The following ST6GALNAC3 variants were observed in gnomAD, a reference collection of about 807,000 sequenced individuals.
ST6GALNAC3 encodes the protein ST6 N-acetylgalactosaminide alpha-2,6-sialyltransferase 3.
Under a neutral mutation model 32.7 loss-of-function variants are expected in ST6GALNAC3, and 25 were observed. The observed-to-expected ratio is 0.76, with a 90% CI of 0.56 to 1.07. The LOEUF (loss-of-function observed/expected upper bound fraction) is 1.07. ST6GALNAC3 is among the 50% of genes least tolerant of loss of function. The pLI, the probability that ST6GALNAC3 is intolerant of heterozygous loss-of-function variation, is 0.00. For missense variants in ST6GALNAC3, 355 were observed against 382.4 expected, an observed-to-expected ratio of 0.93 and a Z score of 0.60; for synonymous variants, 129 against 133.1, an observed-to-expected ratio of 0.97 and a Z score of 0.21.
intron 3 of ST6GALNAC3, among the ~76,000 whole-genome samples, chr1:76,543,752 G>A (rs1437733084): frequency 3.3e-5 from 5 of 152,046 alleles, no homozygotes; most frequent in Non-Finnish European, 7.4e-5. Context: ...ATGCCTCCTA[G>A]TAACATCCAA....
intron 1 of ST6GALNAC3, among the ~76,000 whole-genome samples, chr1:76,286,004 G>A (rs1659757869): frequency 6.6e-6 from 1 of 151,566 alleles, no homozygotes; most frequent in South Asian, 2.1e-4. Flanking sequence ...GGAAAGACAT[G>A]CAGAACTAGA....
chr1:76,621,165 C>T (rs963860262), intron 3 of ST6GALNAC3, among the ~76,000 whole-genome samples: 45 of 151,296 alleles, frequency 3.0e-4, no homozygotes, highest in African/African-American at 1.0e-3. Context: ...GTCAAAGGGT[C>T]CTGATGATTC....
At chr1:76,494,364 C>T (rs1397339806) in intron 3 of ST6GALNAC3, among the ~76,000 whole-genome samples, 1 of 146,516 alleles carries the variant, frequency 6.8e-6, no homozygotes, top group Non-Finnish European at 1.5e-5. Context: ...TGTTCATTCA[C>T]AAATATTTAT....
chr1:76,600,104 G>A (rs1647199487), intron 3 of ST6GALNAC3, among the ~76,000 whole-genome samples: 2 of 152,076 alleles, frequency 1.3e-5, no homozygotes, highest in South Asian at 4.1e-4. Flanking sequence ...GATTGGAAGA[G>A]TTCATGAGCG....
chr1:76,442,089 T>A (rs1168958089), intron 3 of ST6GALNAC3, among the ~76,000 whole-genome samples: 1 of 152,230 alleles, frequency 6.6e-6, no homozygotes, highest in African/African-American at 2.4e-5. Context: ...TATGAGAGGC[T>A]GAGACCTTGA....
At chr1:76,432,579 C>G (rs1258549042) in intron 3 of ST6GALNAC3, among the ~76,000 whole-genome samples, 1 of 147,836 alleles carries the variant, frequency 6.8e-6, no homozygotes, top group Non-Finnish European at 1.5e-5. Context: ...CGTAGCCATC[C>G]AAATAGCTGG....
intron 1 of ST6GALNAC3, among the ~76,000 whole-genome samples, chr1:76,252,185 T>C (rs1310559198): frequency 3.9e-5 from 6 of 152,084 alleles, no homozygotes; most frequent in Non-Finnish European, 7.4e-5. Flanking sequence ...CTGTATACGA[T>C]GTTCGTTTGG....
chr1:76,236,038 T>A (rs750397080), intron 1 of ST6GALNAC3, among the ~76,000 whole-genome samples: 12 of 151,972 alleles, frequency 7.9e-5, no homozygotes, highest in Non-Finnish European at 1.8e-4. Context: ...TGCAAGGATG[T>A]GATCTCGGCT....
rs1043353059 is a variant in ST6GALNAC3, at chr1:76,379,223, C to T, written c.214-32785C>T. Among the ~76,000 whole-genome samples, 57 of 152,140 alleles carry T rather than the reference C, an allele frequency of 3.7e-4. 1 individual carries two copies. Among genetic ancestry groups the T allele is most frequent in the Non-Finnish European group, 1.2e-4 (8 of 68,028 alleles). ...GAATGTTTTATATTTCCTAGTTTCT[C>T]TTCCTTTTGTGGGTCCTAATCTTTT... On this transcript the variant is annotated intron_variant, in intron 2 of 4. Transcript: ENST00000328299.
At chr1:76,569,383 G>A (rs1047097018) in intron 3 of ST6GALNAC3, among the ~76,000 whole-genome samples, 8 of 152,118 alleles carry the variant, frequency 5.3e-5, no homozygotes, top group Admixed American at 5.2e-4. Context: ...ATTTAACTAA[G>A]TACAGGGGCT....
At chr1:76,473,074 G>C (rs1228861631) in intron 3 of ST6GALNAC3, among the ~76,000 whole-genome samples, 4 of 152,086 alleles carry the variant, frequency 2.6e-5, no homozygotes, top group African/African-American at 7.2e-5. Context: ...GAGGTAATAA[G>C]GAGGAAAGGC....
At chr1:76,211,488 T>C (rs1336909666) in intron 1 of ST6GALNAC3, among the ~76,000 whole-genome samples, 2 of 152,230 alleles carry the variant, frequency 1.3e-5, no homozygotes, top group African/African-American at 4.8e-5. Flanking sequence ...CGTGCACATG[T>C]ATGTTTATTG....
intron 3 of ST6GALNAC3, among the ~76,000 whole-genome samples, chr1:76,474,820 C>G (rs1659247669): frequency 1.3e-5 from 2 of 152,120 alleles, no homozygotes; most frequent in Non-Finnish European, 2.9e-5. Flanking sequence ...AAAGCCAACT[C>G]GCATCCTGTG....
rs571039023 is a variant in ST6GALNAC3 at position 76,259,713 on chromosome 1, A to C, written c.19-54092A>C. 3.9e-5 allele frequency among the ~76,000 whole-genome samples: 6 copies of C among 152,284 alleles called. No individual in the cohort carries two copies. In the South Asian group the frequency reaches 1.0e-3, roughly 26 times the overall value. On this transcript the variant is annotated intron_variant, in intron 1 of 4. Coordinates refer to ENST00000328299, the MANE Select transcript of ST6GALNAC3 (RefSeq NM_152996.4). ...TAACCCTTCTCTCTATTAGTATATA[A>C]ATGCTAGTGCTGAGTACACATACTC...
At position 76,634,316 on chromosome 1, in the gene ST6GALNAC3, A is replaced by T. The variant is rs1278714797; in HGVS notation, c.*5510A>T. The T allele has an allele frequency of 1.6e-5, 4 of 249,826 alleles. No homozygotes were observed. Among genetic ancestry groups the T allele is most frequent in the Non-Finnish European group, 2.5e-5 (4 of 157,546 alleles). 15.5% of individuals were successfully genotyped at this position (249,826 alleles called of 1,614,324 possible). Reference sequence around the variant, plus strand: ...CGAGGCAATTTTATAGCTTTTTGTTACCTAATCTACAAAGTACTAATTTCC... The same window carrying T: ...CGAGGCAATTTTATAGCTTTTTGTTTCCTAATCTACAAAGTACTAATTTCC... On this transcript the variant is annotated 3_prime_UTR_variant, in exon 5 of 5. Coordinates refer to ENST00000328299, the MANE Select transcript of ST6GALNAC3 (RefSeq NM_152996.4).
intron 3 of ST6GALNAC3, among the ~76,000 whole-genome samples, chr1:76,456,334 T>TTTTC (rs1011606841): frequency 2.6e-5 from 4 of 152,158 alleles, no homozygotes. Flanking sequence ...TTCGTTTTTC[T>TTTTC]TTTCTTTCTT....
intron 3 of ST6GALNAC3, among the ~76,000 whole-genome samples, chr1:76,455,744 C>A (rs1310750531): frequency 6.6e-6 from 1 of 152,142 alleles, no homozygotes; most frequent in Admixed American, 6.5e-5. Context: ...TCCTCTTTTA[C>A]CCCAGCATTT....
intron 3 of ST6GALNAC3, among the ~76,000 whole-genome samples, chr1:76,415,935 G>C (rs1654588855): frequency 6.6e-6 from 1 of 151,688 alleles, no homozygotes; most frequent in Admixed American, 6.6e-5. Context: ...CAGGTTTTAA[G>C]TTTACATCCT....
rs1264064427 is a variant in ST6GALNAC3 at position 76,241,453 on chromosome 1, TAGCAGGA to T, written c.19-72350_19-72344del. Reference sequence around the variant, plus strand: ...CTAAGCTCCCTTAAACAACCAGCTCTAGCAGGAATGAAAACAGTGAGAACTCACTCAC... The same window carrying T: ...CTAAGCTCCCTTAAACAACCAGCTCTATGAAAACAGTGAGAACTCACTCAC... On this transcript the variant is annotated intron_variant, in intron 1 of 4. Coordinates refer to ENST00000328299, the MANE Select transcript of ST6GALNAC3 (RefSeq NM_152996.4). Among the ~76,000 whole-genome samples the T allele has an allele frequency of 3.9e-5, 6 of 152,096 alleles. No individual in the cohort carries two copies. In the East Asian group the frequency reaches 9.7e-4, roughly 25 times the overall value.
Sources: allele counts gnomAD v4.1 joint callset (sites outside exome capture counted in the v4.1 genomes callset), GRCh38; gene constraint gnomAD v4.1.1; transcripts MANE v1.5; gene names NCBI Gene and HGNC (gene_info 2026-07-23, HGNC 2026-07-21).